ZNF407: variants seen among roughly 807,000 people sequenced by gnomAD.
The protein encoded by ZNF407 is zinc finger protein 407.
Under a neutral mutation model 131.2 loss-of-function variants are expected in ZNF407, and 17 were observed. The ratio of observed to expected loss-of-function variants is 0.13; its 90% CI spans 0.09 to 0.19. ZNF407 has a LOEUF of 0.19. ZNF407 is among the 10% of genes least tolerant of loss of function. The probability of loss-of-function intolerance (pLI) is 1.00; values close to 1 mark genes in which losing one functional copy is unlikely to be tolerated. For synonymous variants in ZNF407, 1,156 were observed against 1,062.0 expected, an observed-to-expected ratio of 1.09 and a Z score of -1.72; for missense variants, 2,681 against 2,830.6, an observed-to-expected ratio of 0.95 and a Z score of 1.20.
intron 8 of ZNF407, among the ~76,000 whole-genome samples, chr18:74,955,449 C>A (rs138213409): frequency 1.3e-5 from 2 of 152,194 alleles, no homozygotes; most frequent in East Asian, 3.9e-4. Context: ...CAGTAGCCAA[C>A]AGGGAGATGA....
chr18:74,719,205 C>T (rs951284008), intron 3 of ZNF407, among the ~76,000 whole-genome samples: 1 of 152,152 alleles, frequency 6.6e-6, no homozygotes, highest in Non-Finnish European at 1.5e-5. Flanking sequence ...CTCCTCCTAG[C>T]TGTTTGAAAG....
intron 4 of ZNF407, among the ~76,000 whole-genome samples, chr18:74,825,676 G>T (rs1970400790): frequency 6.6e-6 from 1 of 152,176 alleles, no homozygotes; most frequent in Non-Finnish European, 1.5e-5. Context: ...GTGCCTAGTT[G>T]TGTGGTCTTG....
intron 8 of ZNF407, among the ~76,000 whole-genome samples, chr18:74,964,079 C>A (rs1261424765): frequency 6.6e-6 from 1 of 152,188 alleles, no homozygotes; most frequent in Non-Finnish European, 1.5e-5. Flanking sequence ...ATTGACCGCG[C>A]CTATCACGTG....
intron 4 of ZNF407, among the ~76,000 whole-genome samples, chr18:74,870,730 C>T (rs1386537319): frequency 6.6e-6 from 1 of 152,122 alleles, no homozygotes; most frequent in Non-Finnish European, 1.5e-5. Context: ...TGACTGTGGT[C>T]TTATCACAGT....
chr18:74,754,326 G>GT (rs1968878571), intron 3 of ZNF407, among the ~76,000 whole-genome samples: 1 of 152,072 alleles, frequency 6.6e-6, no homozygotes, highest in Non-Finnish European at 1.5e-5. Context: ...TTTTTGAAGG[G>GT]TTTTTTGTGT....
chr18:74,902,891 C>T (rs1392574780), intron 7 of ZNF407, among the ~76,000 whole-genome samples: 1 of 152,176 alleles, frequency 6.6e-6, no homozygotes, highest in Non-Finnish European at 1.5e-5. Flanking sequence ...AATGAACTCT[C>T]TTATCATATG....
intron 8 of ZNF407, among the ~76,000 whole-genome samples, chr18:74,995,149 G>T (rs919958191): frequency 1.3e-5 from 2 of 152,148 alleles, no homozygotes; most frequent in African/African-American, 4.8e-5. Flanking sequence ...ACTTATATTT[G>T]CAAATTCATG....
chr18:74,756,125 C>T (rs1320025836), intron 3 of ZNF407, among the ~76,000 whole-genome samples: 1 of 151,614 alleles, frequency 6.6e-6, no homozygotes, highest in African/African-American at 2.4e-5. Context: ...AACTCCTGAC[C>T]TCATGATGTG....
intron 3 of ZNF407, among the ~76,000 whole-genome samples, chr18:74,746,957 A>G (rs994547995): frequency 3.3e-5 from 5 of 152,184 alleles, no homozygotes; most frequent in Non-Finnish European, 5.9e-5. Context: ...AGCTTTATTT[A>G]TAGCAGCATC....
At chr18:74,670,959 G>C (rs1394688042) in intron 3 of ZNF407, among the ~76,000 whole-genome samples, 1 of 152,202 alleles carries the variant, frequency 6.6e-6, no homozygotes, top group Non-Finnish European at 1.5e-5. Flanking sequence ...AGCCACCGCT[G>C]TGAGCCCATC....
chr18:74,875,994 T>A (rs1472017182), intron 4 of ZNF407, among the ~76,000 whole-genome samples: 3 of 152,220 alleles, frequency 2.0e-5, no homozygotes, highest in Non-Finnish European at 4.4e-5. Context: ...GATGAATTTG[T>A]TAAGGTAATT....
At chr18:74,819,999 C>T (rs1884824928) in intron 4 of ZNF407, among the ~76,000 whole-genome samples, 1 of 152,088 alleles carries the variant, frequency 6.6e-6, no homozygotes, top group Non-Finnish European at 1.5e-5. Flanking sequence ...AATGAGAGAG[C>T]TGGTATTTAA....
chr18:74,751,508 G>A (rs1039624360), intron 3 of ZNF407, among the ~76,000 whole-genome samples: 1 of 151,988 alleles, frequency 6.6e-6, no homozygotes, highest in Non-Finnish European at 1.5e-5. Context: ...ATCTTCTAAT[G>A]CTATCCCTCT....
intron 8 of ZNF407, among the ~76,000 whole-genome samples, chr18:74,923,834 A>G (rs1432550010): frequency 6.6e-6 from 1 of 152,104 alleles, no homozygotes; most frequent in Non-Finnish European, 1.5e-5. Context: ...TTATAGTTGC[A>G]TTTTGTTTAT....
intron 8 of ZNF407, among the ~76,000 whole-genome samples, chr18:75,040,903 C>T (rs1764275118): frequency 1.3e-5 from 2 of 152,126 alleles, no homozygotes; most frequent in South Asian, 2.1e-4. Context: ...CGTGTGATGC[C>T]GGCCAGCACT....
At chr18:74,654,996 C>G (rs1257983283) in intron 3 of ZNF407, among the ~76,000 whole-genome samples, 3 of 151,890 alleles carry the variant, frequency 2.0e-5, no homozygotes, top group Admixed American at 6.6e-5. Context: ...TTAAAAATGA[C>G]TAAAAAGTGG....
Position 74,795,940 on chromosome 18 carries a change from C to T in ZNF407, c.4877+14438C>T, listed in dbSNP as rs538896420. On this transcript the variant is annotated intron_variant, in intron 4 of 8. Coordinates refer to ENST00000299687, the MANE Select transcript of ZNF407 (RefSeq NM_017757.3). ...CATGTGGCATTTCATACCAGCCTCC[C>T]GCTGTGCACACGCGCACACACGCAC... Among the ~76,000 whole-genome samples, 356 of 152,358 alleles carry T rather than the reference C, an allele frequency of 2.3e-3. 3 individuals carry two copies. The highest frequency in any genetic ancestry group is 8.2e-3 in the African/African-American group (339 of 41,586).
intron 3 of ZNF407, among the ~76,000 whole-genome samples, chr18:74,764,995 G>T (rs1435508444): frequency 6.6e-6 from 1 of 152,264 alleles, no homozygotes; most frequent in African/African-American, 2.4e-5. Context: ...TGGTCTTCCT[G>T]TCTCAGGGGT....
At chr18:75,025,891 C>CT (rs915189606) in intron 8 of ZNF407, among the ~76,000 whole-genome samples, 1 of 152,162 alleles carries the variant, frequency 6.6e-6, no homozygotes, top group African/African-American at 2.4e-5. Flanking sequence ...TCAAATACTT[C>CT]TTTTTTTAGT....
Sources: allele counts gnomAD v4.1 joint callset (sites outside exome capture counted in the v4.1 genomes callset), GRCh38; gene constraint gnomAD v4.1.1; transcripts MANE v1.5; gene names NCBI Gene and HGNC (gene_info 2026-07-23, HGNC 2026-07-21).